The following PPT1 variants were observed in gnomAD, a reference collection of about 807,000 sequenced individuals.
PPT1 encodes the protein palmitoyl-protein thioesterase 1, also known as ceroid-palmitoyl-palmitoyl-protein thioesterase 1.
In PPT1, 24 loss-of-function variants were observed where a neutral mutation model predicts 44.0. The observed-to-expected ratio is 0.54, with a 90% CI of 0.39 to 0.77. PPT1 has a LOEUF of 0.77. Ranked by LOEUF, PPT1 falls within the 30% of genes least tolerant of loss-of-function variation. The pLI, the probability that PPT1 is intolerant of heterozygous loss-of-function variation, is 0.00. For synonymous variants in PPT1, 148 were observed against 140.2 expected, an observed-to-expected ratio of 1.06 and a Z score of -0.39; for missense variants, 341 against 378.8, an observed-to-expected ratio of 0.90 and a Z score of 0.83.
chr1:40,086,082 G>C (rs1649244462), intron 5 of PPT1, among the ~76,000 whole-genome samples: 1 of 152,228 alleles, frequency 6.6e-6, no homozygotes, highest in African/African-American at 2.4e-5. Flanking sequence ...GCGGGGCCCA[G>C]AGCAGACCTG....
At position 40,097,221 on chromosome 1, in the gene PPT1, G is replaced by A. The variant is rs765938149; in HGVS notation, c.18C>T (p.Cys6=). The A allele has an allele frequency of 7.4e-6, 12 of 1,613,852 alleles. No individual in the cohort carries two copies. Among genetic ancestry groups the A allele is most frequent in the Non-Finnish European group, 9.3e-6 (11 of 1,179,912 alleles). MASPG[C]LWLLAVALLP... The stretch of plus-strand genomic sequence containing the variant: ...GGAGAGCCACAGCCAAGAGCCACAG[G>A]CAGCCGGGCGACGCCATCTTCGCTG... The change falls in exon 1 of 9, where the codon TGC becomes TGT. Residue 6 remains cysteine, a synonymous_variant. Transcript: ENST00000642050.
In PPT1 at chr1:40,080,180, A is replaced by C. The variant is rs184973592; in HGVS notation, c.627+217T>G. On this transcript the variant is annotated intron_variant, in intron 6 of 8. Coordinates refer to ENST00000642050, the MANE Select transcript of PPT1 (RefSeq NM_000310.4). ...AGCTTATCCTGTGTGTTTCAACACT[A>C]GGAGAGGGAAAGAACTTAAGGGAAG... Among the ~76,000 whole-genome samples the C allele has an allele frequency of 2.3e-3, 343 of 152,344 alleles. 1 individual carries two copies. In the Middle Eastern group the frequency reaches 0.024, roughly 11 times the overall value.
intron 3 of PPT1, 95 bp from the exon 4 acceptor site, chr1:40,091,494 TC>T: frequency 1.8e-6 from 2 of 1,096,178 alleles, no homozygotes; most frequent in Non-Finnish European, 2.7e-6. Flanking sequence ...CCTCTGTGAC[TC>T]CCCAAACCCG....
intron 5 of PPT1, among the ~76,000 whole-genome samples, chr1:40,088,770 A>G (rs561845074): frequency 1.3e-5 from 2 of 152,332 alleles, no homozygotes; most frequent in African/African-American, 4.8e-5. Context: ...GGAGTAGCTA[A>G]TGACATAAAG....
At chr1:40,072,367 C>T (rs1648226265), downstream of PPT1, 2 of 306,596 alleles carry the variant, frequency 6.5e-6, no homozygotes, top group Non-Finnish European at 1.2e-5. Flanking sequence ...CTGTCATGCT[C>T]ATCAGCTTAT....
chr1:40,085,501 T>C (rs1045022874), intron 5 of PPT1, among the ~76,000 whole-genome samples: 5 of 152,142 alleles, frequency 3.3e-5, no homozygotes, highest in Non-Finnish European at 7.3e-5. Context: ...CTTGTGTCTT[T>C]ATTTCTACAA....
At chr1:40,093,883 CAA>C (rs11345893) in intron 1 of PPT1, 87,086 of 440,300 alleles carry the variant, frequency 0.2, 193 homozygotes, top group East Asian at 0.24. Flanking sequence ...GGCTCCATCT[CAA>C]AAAAAAAAAA....
intron 4 of PPT1, 69 bp downstream of exon 4, chr1:40,091,260 A>AT (rs1267636388): frequency 2.6e-4 from 371 of 1,448,560 alleles, no homozygotes; most frequent in Middle Eastern, 3.5e-4. Flanking sequence ...TAGTTCCTAG[A>AT]TTTTTTTTTA....
rs1207862062 is a variant in PPT1, at chr1:40,073,876, T to C, written c.*185A>G. 1.2e-6 allele frequency: 1 copy of C among 811,598 alleles called. No individual in the cohort carries two copies. The highest frequency in any genetic ancestry group is 2.5e-5 in the East Asian group (1 of 39,902). 50.3% of individuals were successfully genotyped at this position (811,598 alleles called of 1,614,324 possible). ...AATTAAACTTGCATTCAACACCATA[T>C]GGTAACAGAAGATGGCAAAGGATAA... On this transcript the variant is annotated 3_prime_UTR_variant, in exon 9 of 9. Transcript: ENST00000642050.
chr1:40,074,570 C>T (rs952674411), intron 8 of PPT1, among the ~76,000 whole-genome samples: 3 of 151,832 alleles, frequency 2.0e-5, no homozygotes, highest in Non-Finnish European at 2.9e-5. Flanking sequence ...CTGGCTCAAG[C>T]GATTCTCCTG....
Position 40,073,992 on chromosome 1 carries a change from G to A in PPT1, c.*69C>T. On this transcript the variant is annotated 3_prime_UTR_variant, in exon 9 of 9. Coordinates refer to ENST00000642050, the MANE Select transcript of PPT1 (RefSeq NM_000310.4). Reference sequence around the variant, plus strand: ...ATCTGAGCTCAGGCTTGGGCATGAAGGAAACTGTCTCCCATGTGGTTTGGA... The same window carrying A: ...ATCTGAGCTCAGGCTTGGGCATGAAAGAAACTGTCTCCCATGTGGTTTGGA... 6.2e-7 allele frequency: 1 copy of A among 1,600,918 alleles called. No individual in the cohort carries two copies. The highest frequency in any genetic ancestry group is 8.5e-7 in the Non-Finnish European group (1 of 1,169,900).
chr1:40,079,392 C>CTT (rs11464192), intron 6 of PPT1, among the ~76,000 whole-genome samples: 10,152 of 90,056 alleles, frequency 0.11, 782 homozygotes, highest in East Asian at 0.18. Context: ...TTTTCTTTTC[C>CTT]TTTTTTTTTT....
At chr1:40,080,541 C>T (rs1648878330) in intron 5 of PPT1, 54 bp from the exon 6 acceptor site, 4 of 1,551,026 alleles carry the variant, frequency 2.6e-6, no homozygotes, top group African/African-American at 1.4e-5. Flanking sequence ...TCAGTACGCC[C>T]AGGGCATGCT....
At chr1:40,088,658 C>T (rs1464543076) in intron 5 of PPT1, among the ~76,000 whole-genome samples, 1 of 152,080 alleles carries the variant, frequency 6.6e-6, no homozygotes, top group African/African-American at 2.4e-5. Context: ...ATCCTCCTGC[C>T]TTGGCCTCTC....
At chr1:40,084,054 AAAAC>A (rs1193593586) in intron 5 of PPT1, among the ~76,000 whole-genome samples, 4 of 152,288 alleles carry the variant, frequency 2.6e-5, no homozygotes, top group African/African-American at 4.8e-5. Flanking sequence ...CTCTGTCTCA[AAAAC>A]AAACAAACAA....
intron 4 of PPT1, 102 bp downstream of exon 4, chr1:40,091,227 A>G: frequency 8.3e-7 from 1 of 1,210,912 alleles, no homozygotes. Context: ...TTTTGCAAGA[A>G]TGGCTGATGT....
rs1126970 is a variant in PPT1 at position 40,073,776 on chromosome 1, A to T, written c.*285T>A. On this transcript the variant is annotated 3_prime_UTR_variant, in exon 9 of 9. Transcript: ENST00000642050. ...CTTTGGGCCTGGGCACAGTTCTGGC[A>T]CTGATCTGGAACAGACTCCCTTTTC... The T allele has an allele frequency of 2.3e-6, 1 of 428,822 alleles. No individual in the cohort carries two copies. The highest frequency in any genetic ancestry group is 4.4e-6 in the Non-Finnish European group (1 of 229,604). The allele number at this position is 428,822 out of a possible 1,614,324, so 26.6% of individuals were successfully genotyped here.
intron 1 of PPT1, among the ~76,000 whole-genome samples, chr1:40,094,944 C>A (rs1408874207): frequency 1.3e-5 from 2 of 152,152 alleles, no homozygotes; most frequent in African/African-American, 4.8e-5. Flanking sequence ...AGCCCCAGGG[C>A]CTGTTGGAGA....
At position 40,092,137 on chromosome 1, in the gene PPT1, G is replaced by A. The variant is rs2124487917; in HGVS notation, c.270C>T (p.Ser90=). ...VENSFFLNVN[S]QVTTVCQALA... The stretch of plus-strand genomic sequence containing the variant: ...GTGCCTGACACACTGTTGTTACTTG[G>A]GAATTGACATTCAAGAAGAAGCTGT... Residue 90 remains serine (S), a synonymous_variant, in exon 3 of 9, where the codon TCC becomes TCT. Coordinates refer to ENST00000642050, the MANE Select transcript of PPT1 (RefSeq NM_000310.4). 1.2e-6 allele frequency: 2 copies of A among 1,614,050 alleles called. No individual in the cohort carries two copies. The highest frequency in any genetic ancestry group is 1.7e-6 in the Non-Finnish European group (2 of 1,179,918).
Sources: gnomAD v4.1 joint callset for allele counts (sites outside exome capture counted in the v4.1 genomes callset) on GRCh38, gnomAD v4.1.1 for gene constraint, MANE v1.5 for transcripts, NCBI Gene and HGNC (gene_info 2026-07-23, HGNC 2026-07-21) for gene names.